The following CSMD1 variants were observed in gnomAD, a reference collection of about 807,000 sequenced individuals.
CSMD1 encodes CUB and sushi domain-containing protein 1.
In CSMD1, 213 loss-of-function variants were observed where a neutral mutation model predicts 417.5. That is an observed-to-expected ratio of 0.51 (90% CI 0.46 to 0.57). The LOEUF is 0.57. Among genes scored for constraint, CSMD1 ranks in the 20% least tolerant of loss-of-function variants. CSMD1 has a pLI of 0.00. For synonymous variants in CSMD1, 2,862 were observed against 1,736.8 expected, an observed-to-expected ratio of 1.65 and a Z score of -16.11; for missense variants, 6,923 against 4,529.7, an observed-to-expected ratio of 1.53 and a Z score of -15.17.
At chr8:3,744,987 T>A (rs983378992) in intron 6 of CSMD1, among the ~76,000 whole-genome samples, 2 of 152,122 alleles carry the variant, frequency 1.3e-5, no homozygotes, top group African/African-American at 4.8e-5. Context: ...AAGCCTAGAG[T>A]AGCTGGGGCT....
chr8:3,465,532 T>A (rs1476203759), intron 12 of CSMD1, among the ~76,000 whole-genome samples: 1 of 152,030 alleles, frequency 6.6e-6, no homozygotes, highest in African/African-American at 2.4e-5. Flanking sequence ...CAGGAAAGCA[T>A]CCTCCAGGGA....
chr8:3,706,666 G>C (rs1478797928), intron 7 of CSMD1, among the ~76,000 whole-genome samples: 2 of 152,138 alleles, frequency 1.3e-5, no homozygotes, highest in Non-Finnish European at 2.9e-5. Flanking sequence ...CAAATGATCG[G>C]ATATCCAACC....
intron 5 of CSMD1, among the ~76,000 whole-genome samples, chr8:3,828,579 C>G (rs905382240): frequency 6.6e-5 from 10 of 152,180 alleles, no homozygotes; most frequent in African/African-American, 2.2e-4. Flanking sequence ...TTGACTCTCT[C>G]TGCAAAGCAT....
At chr8:4,321,471 C>T (rs375747075) in intron 3 of CSMD1, among the ~76,000 whole-genome samples, 1 of 152,066 alleles carries the variant, frequency 6.6e-6, no homozygotes, top group East Asian at 1.9e-4. Context: ...CTCTTAATTC[C>T]TCAGTGATGC....
At chr8:4,486,938 G>T (rs180970806) in intron 2 of CSMD1, among the ~76,000 whole-genome samples, 1 of 152,098 alleles carries the variant, frequency 6.6e-6, no homozygotes, top group Non-Finnish European at 1.5e-5. Context: ...AAGCAGGCAG[G>T]GTCCTAAATG....
intron 1 of CSMD1, among the ~76,000 whole-genome samples, chr8:4,691,254 G>C (rs1488349001): frequency 6.6e-6 from 1 of 152,166 alleles, no homozygotes; most frequent in African/African-American, 2.4e-5. Context: ...AAGCCAACCT[G>C]TCAGCAGAAT....
chr8:4,680,631 G>A (rs750829375), intron 1 of CSMD1, among the ~76,000 whole-genome samples: 2 of 152,122 alleles, frequency 1.3e-5, no homozygotes, highest in African/African-American at 2.4e-5. Flanking sequence ...CCAGGCTGGA[G>A]TGCAGTGGCA....
Position 3,987,239 on chromosome 8 carries a change from G to T in CSMD1, c.818+10664C>A, listed in dbSNP as rs118090525. Among the ~76,000 whole-genome samples, 61 of 152,302 alleles carry T rather than the reference G, an allele frequency of 4.0e-4. 2 individuals carry two copies. The East Asian group carries it at 0.012, about 29-fold the overall frequency. ...CAGCACGCACTCTTCCTGTGAACAT[G>T]CTTCCCATGCTCAAAGGCTACACAC... On this transcript the variant is annotated intron_variant, in intron 5 of 69. Coordinates refer to ENST00000635120, the MANE Select transcript of CSMD1 (RefSeq NM_033225.6).
chr8:4,298,164 A>G (rs369335925), intron 3 of CSMD1, among the ~76,000 whole-genome samples: 25 of 152,182 alleles, frequency 1.6e-4, no homozygotes, highest in Non-Finnish European at 3.4e-4. Flanking sequence ...AAGTTTAGAA[A>G]AACATAATTT....
At chr8:3,137,393 G>C (rs1818165317) in intron 41 of CSMD1, among the ~76,000 whole-genome samples, 1 of 152,218 alleles carries the variant, frequency 6.6e-6, no homozygotes, top group African/African-American at 2.4e-5. Context: ...GCATCAGGGG[G>C]AATAAACACC....
chr8:4,710,618 G>A (rs748452601), intron 1 of CSMD1, among the ~76,000 whole-genome samples: 1 of 151,254 alleles, frequency 6.6e-6, no homozygotes, highest in Non-Finnish European at 1.5e-5. Flanking sequence ...GACTCAGATG[G>A]GTGGATCACA....
rs1446025485 is a variant in CSMD1, at chr8:3,230,024, T to G, written c.4345+16A>C. 1.3e-6 allele frequency: 2 copies of G among 1,512,520 alleles called. No homozygotes were observed. The highest frequency in any genetic ancestry group is 1.8e-6 in the Non-Finnish European group (2 of 1,125,202). 93.7% of individuals were successfully genotyped at this position (1,512,520 alleles called of 1,614,324 possible). On this transcript the variant is annotated intron_variant, in intron 27 of 69. Coordinates refer to ENST00000635120, the MANE Select transcript of CSMD1 (RefSeq NM_033225.6). ...CATTCCTGAATATAAAATTTCTAAG[T>G]TCTGTTGTCTGATACCTATGCATGT...
chr8:3,860,178 A>C (rs1418321066), intron 5 of CSMD1, among the ~76,000 whole-genome samples: 1 of 152,118 alleles, frequency 6.6e-6, no homozygotes, highest in Non-Finnish European at 1.5e-5. Context: ...CAGGCAGTAG[A>C]AAGTTTGAGT....
In CSMD1 at chr8:4,259,242, A is replaced by G. The variant is rs561619608; in HGVS notation, c.415+160711T>C. 1.4e-3 allele frequency among the ~76,000 whole-genome samples: 206 copies of G among 152,268 alleles called. 2 individuals are homozygous for G. The highest frequency in any genetic ancestry group is 4.8e-3 in the African/African-American group (198 of 41,552). ...ATCGCAGAGAGAATGCGGGACACAGACAATCTTTTCCTAAACAAGCAACCC... is the reference window on the plus strand; with the variant it reads ...ATCGCAGAGAGAATGCGGGACACAGGCAATCTTTTCCTAAACAAGCAACCC... On this transcript the variant is annotated intron_variant, in intron 3 of 69. Coordinates refer to ENST00000635120, the MANE Select transcript of CSMD1 (RefSeq NM_033225.6).
At chr8:3,953,068 A>T (rs923525285) in intron 5 of CSMD1, among the ~76,000 whole-genome samples, 1 of 152,174 alleles carries the variant, frequency 6.6e-6, no homozygotes, top group Admixed American at 6.5e-5. Context: ...AACAGAAAAG[A>T]AACAGTATTT....
intron 4 of CSMD1, among the ~76,000 whole-genome samples, chr8:4,005,369 C>T (rs908133110): frequency 4.6e-5 from 7 of 152,264 alleles, no homozygotes; most frequent in South Asian, 2.1e-4. Context: ...GCGGGTCCGG[C>T]TCCTTGAACA....
chr8:4,630,373 C>A (rs2616991), intron 2 of CSMD1, among the ~76,000 whole-genome samples: 65,464 of 151,334 alleles, frequency 0.43, 14,972 homozygotes, highest in Admixed American at 0.61. Flanking sequence ...TTAGGTATAA[C>A]CATGATGAGA....
At chr8:3,651,072 T>G (rs1797828943) in intron 7 of CSMD1, among the ~76,000 whole-genome samples, 1 of 152,216 alleles carries the variant, frequency 6.6e-6, no homozygotes, top group African/African-American at 2.4e-5. Flanking sequence ...GAGCTCCATA[T>G]TCAAGATTCG....
intron 3 of CSMD1, among the ~76,000 whole-genome samples, chr8:4,043,118 G>C (rs1003871053): frequency 2.0e-5 from 3 of 152,188 alleles, no homozygotes; most frequent in African/African-American, 7.2e-5. Flanking sequence ...GGGTGAGACA[G>C]TGAGACTCTG....
Sources: gnomAD v4.1 joint callset for allele counts (sites outside exome capture counted in the v4.1 genomes callset) on GRCh38, gnomAD v4.1.1 for gene constraint, MANE v1.5 for transcripts, NCBI Gene and HGNC (gene_info 2026-07-23, HGNC 2026-07-21) for gene names.